Variants in ITGB8 observed in about 807,000 individuals in gnomAD.
ITGB8 encodes the protein integrin beta-8.
ITGB8 carries 30 observed loss-of-function variants against 89.5 expected under a neutral mutation model. The ratio of observed to expected loss-of-function variants is 0.34; its 90% CI spans 0.25 to 0.45. The LOEUF is 0.45. Among genes scored for constraint, ITGB8 ranks in the 20% least tolerant of loss-of-function variants. The pLI is 1.00. For synonymous variants in ITGB8, 335 were observed against 320.4 expected, an observed-to-expected ratio of 1.05 and a Z score of -0.49; for missense variants, 836 against 933.3, an observed-to-expected ratio of 0.90 and a Z score of 1.36.
At chr7:20,398,010 A>C (rs572693390) in intron 8 of ITGB8, among the ~76,000 whole-genome samples, 18 of 149,154 alleles carry the variant, frequency 1.2e-4, no homozygotes, top group Middle Eastern at 6.9e-3. Flanking sequence ...GTAGACTCTT[A>C]GTTGTATGGA....
intron 6 of ITGB8, among the ~76,000 whole-genome samples, chr7:20,382,339 C>G (rs1786433556): frequency 6.6e-6 from 1 of 152,072 alleles, no homozygotes; most frequent in Admixed American, 6.6e-5. Flanking sequence ...TCAAACAAAG[C>G]AGGCTTTCTC....
chr7:20,337,946 T>C (rs1052613080), intron 1 of ITGB8, among the ~76,000 whole-genome samples: 8 of 152,202 alleles, frequency 5.3e-5, no homozygotes, highest in Admixed American at 4.6e-4. Context: ...TAGGTGAAGA[T>C]GGCCAAGGAC....
chr7:20,350,647 T>G (rs1233666814), intron 1 of ITGB8, among the ~76,000 whole-genome samples: 1 of 152,166 alleles, frequency 6.6e-6, no homozygotes, highest in Non-Finnish European at 1.5e-5. Flanking sequence ...TTTTCCTACA[T>G]CATCAACGAG....
chr7:20,378,249 G>C (rs1410494900), intron 3 of ITGB8, among the ~76,000 whole-genome samples: 2 of 152,194 alleles, frequency 1.3e-5, no homozygotes, highest in African/African-American at 4.8e-5. Flanking sequence ...ACCGACATTT[G>C]TCCTTGTGGC....
chr7:20,404,898 T>C, intron 11 of ITGB8, 45 bp downstream of exon 11: 1 of 1,537,240 alleles, frequency 6.5e-7, no homozygotes, highest in Non-Finnish European at 9.0e-7. Flanking sequence ...ATAGCTACTT[T>C]TGTCCTTTTT....
rs138020156 is a variant in ITGB8, at chr7:20,401,225, C to T, written c.1282-496C>T. 4.9e-4 allele frequency among the ~76,000 whole-genome samples: 75 copies of T among 152,218 alleles called. No homozygotes were observed. The East Asian group carries it at 5.2e-3, about 11-fold the overall frequency. ...AACTCCTGACCTCAAGTGATCCAAC[C>T]GCCTAAGCCTCCCAAAGTGCTGGGA... On this transcript the variant is annotated intron_variant, in intron 9 of 13. Coordinates refer to ENST00000222573, the MANE Select transcript of ITGB8 (RefSeq NM_002214.3).
chr7:20,337,136 A>G (rs1211065564), intron 1 of ITGB8, among the ~76,000 whole-genome samples: 2 of 152,198 alleles, frequency 1.3e-5, no homozygotes, highest in African/African-American at 2.4e-5. Flanking sequence ...ACTTTCTGTG[A>G]CAATGATTTC....
chr7:20,400,410 T>C (rs1025624578), intron 9 of ITGB8, among the ~76,000 whole-genome samples: 41 of 152,186 alleles, frequency 2.7e-4, no homozygotes, highest in African/African-American at 8.9e-4. Context: ...CAAAAGCATT[T>C]TAAGCATAAC....
chr7:20,404,607 C>T (rs1217869456), intron 10 of ITGB8, 21 bp from the exon 11 acceptor site: 8 of 1,598,844 alleles, frequency 5.0e-6, no homozygotes, highest in Non-Finnish European at 6.8e-6. Flanking sequence ...TAACATAGGT[C>T]CTGCGGTGTC....
chr7:20,380,951 C>T, intron 5 of ITGB8, 120 bp downstream of exon 5: 3 of 799,102 alleles, frequency 3.8e-6, no homozygotes, highest in Middle Eastern at 2.5e-4. Context: ...ACATATCTTA[C>T]TATCTCTTAC....
chr7:20,345,252 C>G (rs1021255586), intron 1 of ITGB8, among the ~76,000 whole-genome samples: 1 of 151,994 alleles, frequency 6.6e-6, no homozygotes, highest in Admixed American at 6.6e-5. Context: ...ATTTTAAAAT[C>G]TAAGATGTGC....
chr7:20,369,312 A>T (rs1785834829), intron 3 of ITGB8, among the ~76,000 whole-genome samples: 1 of 152,196 alleles, frequency 6.6e-6, no homozygotes, highest in East Asian at 1.9e-4. Context: ...ACACAACAGA[A>T]ATTTATTTTC....
chr7:20,359,776 T>G (rs1785430953), intron 1 of ITGB8, among the ~76,000 whole-genome samples: 1 of 152,296 alleles, frequency 6.6e-6, no homozygotes, highest in South Asian at 2.1e-4. Flanking sequence ...TTCCTGTAAT[T>G]GTTGATATTG....
chr7:20,357,471 T>A (rs1214727951), intron 1 of ITGB8, among the ~76,000 whole-genome samples: 4 of 152,190 alleles, frequency 2.6e-5, no homozygotes, highest in African/African-American at 9.7e-5. Flanking sequence ...AATATACACA[T>A]GAACATACAC....
intron 3 of ITGB8, among the ~76,000 whole-genome samples, chr7:20,369,927 A>G (rs1004717915): frequency 3.9e-5 from 6 of 152,100 alleles, no homozygotes; most frequent in Admixed American, 3.3e-4. Context: ...CAAAATATAC[A>G]GGTTGTTATT....
At chr7:20,346,674 G>A (rs905178636) in intron 1 of ITGB8, 2 of 984,908 alleles carry the variant, frequency 2.0e-6, no homozygotes, top group Non-Finnish European at 2.4e-6. Context: ...CCTGCCAAAA[G>A]CAACGTGGAC....
At chr7:20,396,249 T>G (rs887699361) in intron 8 of ITGB8, among the ~76,000 whole-genome samples, 1 of 152,002 alleles carries the variant, frequency 6.6e-6, no homozygotes, top group African/African-American at 2.4e-5. Context: ...CCATCCTGGC[T>G]AACACGGTGA....
At chr7:20,332,163 G>A in intron 1 of ITGB8, 2 of 933,562 alleles carry the variant, frequency 2.1e-6, no homozygotes, top group Non-Finnish European at 3.0e-6. Context: ...GACACTCTGT[G>A]TTACTCCTAG....
chr7:20,373,360 G>GA (rs1786012980), intron 3 of ITGB8, among the ~76,000 whole-genome samples: 1 of 152,082 alleles, frequency 6.6e-6, no homozygotes, highest in South Asian at 2.1e-4. Flanking sequence ...AAGGAAACTG[G>GA]ATATTAACTC....
Sources: allele counts gnomAD v4.1 joint callset (sites outside exome capture counted in the v4.1 genomes callset), GRCh38; gene constraint gnomAD v4.1.1; transcripts MANE v1.5; gene names NCBI Gene and HGNC (gene_info 2026-07-23, HGNC 2026-07-21).